FNDC1: variants seen among roughly 807,000 people sequenced by gnomAD.
FNDC1 encodes the protein fibronectin type III domain-containing protein 1.
In FNDC1, 96 loss-of-function variants were observed where a neutral mutation model predicts 168.0. That is an observed-to-expected ratio of 0.57 (90% CI 0.48 to 0.68). The LOEUF is 0.68. Ranked by LOEUF, FNDC1 falls within the 30% of genes least tolerant of loss-of-function variation. The pLI, the probability that FNDC1 is intolerant of heterozygous loss-of-function variation, is 0.00. For synonymous variants in FNDC1, 1,099 were observed against 1,025.9 expected, an observed-to-expected ratio of 1.07 and a Z score of -1.36; for missense variants, 2,587 against 2,482.1, an observed-to-expected ratio of 1.04 and a Z score of -0.90.
chr6:159,177,892 C>T (rs775945842), intron 1 of FNDC1, among the ~76,000 whole-genome samples: 7 of 152,018 alleles, frequency 4.6e-5, no homozygotes, highest in African/African-American at 1.2e-4. Flanking sequence ...ACATAAAGGT[C>T]GGTGGTTTGG....
rs549456286 is a variant in FNDC1, at chr6:159,227,107, T to C, written c.1180+527T>C. On this transcript the variant is annotated intron_variant, in intron 9 of 22. Transcript: ENST00000297267. ...CACCAAAATAGCAAAAAAACCTAGA[T>C]ATTTTAAAGAATAAAAATAGAGTAA... Among the ~76,000 whole-genome samples, 51 of 152,372 alleles carry C rather than the reference T, an allele frequency of 3.3e-4. No individual in the cohort carries two copies. In the South Asian group the frequency reaches 6.4e-3, roughly 19 times the overall value.
In FNDC1 at chr6:159,233,591, T is replaced by A; in HGVS notation, c.3079T>A (p.Ser1027Thr). ...ACCCCAGAGCAGAGACGCGGGTCGGTCACCTTCCCAGCCCAGGCTCTCACT... is the reference window on the plus strand; with the variant it reads ...ACCCCAGAGCAGAGACGCGGGTCGGACACCTTCCCAGCCCAGGCTCTCACT... ...PGPQSRDAGR[S>T]PSQPRLSLTQ... The change falls in exon 11 of 23, where the codon TCA becomes ACA. Residue 1027 changes from serine (S) to threonine (T), a missense_variant. Ser to Thr is a moderately conservative substitution (Grantham distance 58). Transcript: ENST00000297267. The surrounding 1 kb of genome is among the most constrained non-coding windows in gnomAD (Gnocchi z 4.6). The A allele has an allele frequency of 6.3e-7, 1 of 1,581,360 alleles. No individual in the cohort carries two copies.
At chr6:159,195,159 A>C (rs1457085668) in intron 1 of FNDC1, among the ~76,000 whole-genome samples, 1 of 152,136 alleles carries the variant, frequency 6.6e-6, no homozygotes, top group African/African-American at 2.4e-5. Context: ...CAGAGTCCCC[A>C]AAAGGCCTTT....
chr6:159,251,272 A>G lies in FNDC1; in HGVS notation c.4835-30A>G, dbSNP rs149335274. The G allele has an allele frequency of 3.0e-3, 4,570 of 1,518,300 alleles. 116 individuals carry two copies. The African/African-American group carries it at 0.054, about 18-fold the overall frequency. 94.1% of individuals were successfully genotyped at this position (1,518,300 alleles called of 1,614,324 possible). A position where few individuals can be genotyped will look rare whatever the true frequency, so the allele number is the denominator to read the frequency against. On this transcript the variant is annotated intron_variant, in intron 16 of 22. Coordinates refer to ENST00000297267, the MANE Select transcript of FNDC1 (RefSeq NM_032532.3). The stretch of plus-strand genomic sequence containing the variant: ...CTGCCTCCAGAAAAAGCCTCCAGCA[A>G]TCCAATTGGTTATCTCTGTTCTTTT...
chr6:159,269,158 A>C lies in FNDC1; in HGVS notation c.5569+1232A>C, dbSNP rs566546566. On this transcript the variant is annotated intron_variant, in intron 22 of 22. Coordinates refer to ENST00000297267, the MANE Select transcript of FNDC1 (RefSeq NM_032532.3). ...CATCCATCTATCTATCCATCTGTCT[A>C]TGTATGTATGTATGTATGTATGTAT... Among the ~76,000 whole-genome samples the C allele has an allele frequency of 5.5e-5, 8 of 145,214 alleles. No individual in the cohort carries two copies. In the South Asian group the frequency reaches 1.5e-3, roughly 27 times the overall value.
intron 17 of FNDC1, among the ~76,000 whole-genome samples, chr6:159,253,869 C>T (rs557163498): frequency 6.6e-6 from 1 of 152,386 alleles, no homozygotes; most frequent in East Asian, 1.9e-4. Context: ...TTGCCAACTC[C>T]ATTGGAAGCT....
chr6:159,193,776 C>G (rs930455935), intron 1 of FNDC1, among the ~76,000 whole-genome samples: 5 of 152,166 alleles, frequency 3.3e-5, no homozygotes, highest in African/African-American at 1.2e-4. Flanking sequence ...CCTCTTTGGG[C>G]CCTCTTGGAT....
intron 1 of FNDC1, among the ~76,000 whole-genome samples, chr6:159,175,743 C>T (rs185129177): frequency 2.2e-4 from 33 of 152,158 alleles, no homozygotes; most frequent in Non-Finnish European, 4.1e-4. Flanking sequence ...ATCTTAGAGC[C>T]GGTGCTCGGT....
chr6:159,171,429 A>C (rs1321429939), intron 1 of FNDC1, among the ~76,000 whole-genome samples: 4 of 152,218 alleles, frequency 2.6e-5, no homozygotes, highest in Non-Finnish European at 2.9e-5. Flanking sequence ...TCCCTTTGAC[A>C]GCAACGTCAT....
chr6:159,216,479 C>T (rs906052970), intron 5 of FNDC1, among the ~76,000 whole-genome samples: 4 of 152,152 alleles, frequency 2.6e-5, no homozygotes, highest in Admixed American at 6.5e-5. Context: ...GCCTGGATAG[C>T]GGACATAGGC....
intron 1 of FNDC1, among the ~76,000 whole-genome samples, chr6:159,178,047 C>A (rs1781801887): frequency 6.6e-6 from 1 of 152,170 alleles, no homozygotes; most frequent in Non-Finnish European, 1.5e-5. Flanking sequence ...AAACCCCTGA[C>A]AAACAGAGCC....
chr6:159,214,067 G>A (rs1381066597), intron 4 of FNDC1, among the ~76,000 whole-genome samples: 1 of 152,214 alleles, frequency 6.6e-6, no homozygotes, highest in Non-Finnish European at 1.5e-5. Flanking sequence ...GAGGAAGAAT[G>A]CTTGGGAACT....
Position 159,242,322 on chromosome 6 carries a change from G to A in FNDC1, c.4621+2365G>A, listed in dbSNP as rs114737769. Among the ~76,000 whole-genome samples the A allele has an allele frequency of 7.3e-3, 1,113 of 152,242 alleles. 15 individuals are homozygous for A. The highest frequency in any genetic ancestry group is 0.026 in the African/African-American group (1,066 of 41,542). On this transcript the variant is annotated intron_variant, in intron 14 of 22. Transcript: ENST00000297267. The stretch of plus-strand genomic sequence containing the variant: ...ACAGGGAGGTGAACAACATACAGTG[G>A]CGCCTGTCAGAGGGTCAGGTAGGGG...
intron 5 of FNDC1, among the ~76,000 whole-genome samples, chr6:159,215,954 T>C (rs1234952200): frequency 6.6e-6 from 1 of 151,970 alleles, no homozygotes; most frequent in Non-Finnish European, 1.5e-5. Flanking sequence ...ATACCCAGGG[T>C]CAATACATTG....
At chr6:159,227,804 A>G (rs1782983463) in intron 9 of FNDC1, among the ~76,000 whole-genome samples, 1 of 152,094 alleles carries the variant, frequency 6.6e-6, no homozygotes, top group Non-Finnish European at 1.5e-5. Flanking sequence ...CACTAACGAA[A>G]GCTGATGAGC....
intron 9 of FNDC1, among the ~76,000 whole-genome samples, chr6:159,228,337 G>T (rs928242672): frequency 2.0e-5 from 3 of 152,106 alleles, no homozygotes; most frequent in African/African-American, 7.2e-5. Context: ...AATATAAAAC[G>T]TAATAGAAGA....
chr6:159,256,867 C>T (rs1393475602), intron 18 of FNDC1, among the ~76,000 whole-genome samples: 1 of 152,150 alleles, frequency 6.6e-6, no homozygotes, highest in East Asian at 1.9e-4. Flanking sequence ...CCCTGTTTAC[C>T]TAAACACTAC....
intron 4 of FNDC1, among the ~76,000 whole-genome samples, chr6:159,206,790 T>C (rs1782494800): frequency 1.3e-5 from 2 of 152,226 alleles, no homozygotes; most frequent in African/African-American, 4.8e-5. Context: ...TTCTTTGGGC[T>C]GGCTGGTCTA....
At chr6:159,174,361 T>C (rs1781721049) in intron 1 of FNDC1, among the ~76,000 whole-genome samples, 1 of 152,250 alleles carries the variant, frequency 6.6e-6, no homozygotes, top group Admixed American at 6.5e-5. Flanking sequence ...TTTTCCTCCC[T>C]CCTAAAAGTT....
Sources: gnomAD v4.1 joint callset for allele counts (sites outside exome capture counted in the v4.1 genomes callset) on GRCh38, gnomAD v4.1.1 for gene constraint, Gnocchi (gnomAD v3.1) non-coding constraint, MANE v1.5 for transcripts, NCBI Gene and HGNC (gene_info 2026-07-23, HGNC 2026-07-21) for gene names.